GSN: variants seen among roughly 807,000 people sequenced by gnomAD.
GSN encodes the protein actin-depolymerizing factor.
Under a neutral mutation model 85.7 loss-of-function variants are expected in GSN, and 56 were observed. The observed-to-expected ratio is 0.65, with a 90% CI of 0.53 to 0.82. The LOEUF is 0.82. Among genes scored for constraint, GSN ranks in the 40% least tolerant of loss-of-function variants. The probability of loss-of-function intolerance (pLI) is 0.00; values close to 1 mark genes in which losing one functional copy is unlikely to be tolerated. For synonymous variants in GSN, 373 were observed against 399.1 expected (o/e 0.93, Z 0.78); for missense variants, 857 against 979.8 (o/e 0.87, Z 1.67).
rs566976430 is a variant in GSN, at chr9:121,321,477, G to A, written c.1325+76G>A. 2.6e-4 allele frequency: 380 copies of A among 1,461,596 alleles called. 1 individual carries two copies. The African/African-American group carries it at 4.6e-3, about 18-fold the overall frequency. The allele number at this position is 1,461,596 out of a possible 1,614,324, so 90.5% of individuals were successfully genotyped here. On this transcript the variant is annotated intron_variant, in intron 11 of 17. Coordinates refer to ENST00000432226, the MANE Select transcript of GSN (RefSeq NM_198252.3). Reference sequence around the variant, plus strand: ...TGAGCAGGGCTGAAGACAAACTGAGGGTGTGAGGGCCTGAGGTGGGACCAC... The same window carrying A: ...TGAGCAGGGCTGAAGACAAACTGAGAGTGTGAGGGCCTGAGGTGGGACCAC...
Position 121,313,989 on chromosome 9 carries a change from A to T in GSN, c.719A>T (p.Asp240Val). Residue 240 changes from aspartate to valine, a missense_variant, in exon 7 of 18, where the codon GAT (aspartate) becomes GTT (valine). Coordinates refer to ENST00000432226, the MANE Select transcript of GSN (RefSeq NM_198252.3). ...GGTACCGAGGACACCGCCAAGGAGG[A>T]TGCGGCCAACCGCAAGCTGGCCAAG... ...PAGTEDTAKEDAANRKLAKLY... is the reference protein window; with the variant it reads ...PAGTEDTAKEVAANRKLAKLY... 1.2e-6 allele frequency: 2 copies of T among 1,614,180 alleles called. No homozygotes were observed. The highest frequency in any genetic ancestry group is 1.3e-5 in the African/African-American group (1 of 75,060).
At chr9:121,295,438 G>C (rs537065918) in intron 2 of GSN, among the ~76,000 whole-genome samples, 5 of 152,356 alleles carry the variant, frequency 3.3e-5, no homozygotes, top group Admixed American at 1.3e-4. Context: ...GACTCCAAGA[G>C]AGGGCTTTCC....
At chr9:121,265,271 G>A (rs2055173179), upstream of GSN, 1 of 152,190 alleles carries the variant, frequency 6.6e-6, no homozygotes, top group Non-Finnish European at 1.5e-5. Context: ...GAAGCCTCCT[G>A]GGCTGCCCAG....
chr9:121,327,461 G>A lies in GSN; in HGVS notation c.1741G>A (p.Val581Met). 6.3e-7 allele frequency: 1 copy of A among 1,588,154 alleles called. No individual in the cohort carries two copies. Among genetic ancestry groups the A allele is most frequent in the Non-Finnish European group, 8.6e-7 (1 of 1,166,310 alleles). Residue 581 changes from valine to methionine, a missense_variant, in exon 14 of 18, where the codon GTG becomes ATG. Coordinates refer to ENST00000432226, the MANE Select transcript of GSN (RefSeq NM_198252.3). ...GGTGCTGCGGGCCCAACCTGTGCAG[G>A]TGGCAGAAGGCAGCGAGCCAGGTAG... ...LRVLRAQPVQ[V>M]AEGSEPDGFW...
intron 1 of GSN, among the ~76,000 whole-genome samples, chr9:121,271,507 G>A (rs1024635869): frequency 1.3e-5 from 2 of 152,190 alleles, no homozygotes; most frequent in African/African-American, 4.8e-5. Context: ...TGAATAACAT[G>A]CCCCGGGTTG....
At chr9:121,203,059 G>A (rs1564326676), upstream of GSN, 1 of 152,176 alleles carries the variant, frequency 6.6e-6, no homozygotes, top group Non-Finnish European at 1.5e-5. Context: ...CCCGGGAGGC[G>A]GAGCTTGCAG....
intron 2 of GSN, chr9:121,282,784 C>A (rs938944824): frequency 2.0e-5 from 8 of 397,314 alleles, no homozygotes; most frequent in African/African-American, 1.4e-4. Flanking sequence ...CAAGTTGCCT[C>A]AATGTAATCT....
At position 121,317,134 on chromosome 9, in the gene GSN, A is replaced by G; in HGVS notation, c.802A>G (p.Asn268Asp). 1 of 1,614,160 alleles carries G rather than the reference A, an allele frequency of 6.2e-7. No individual in the cohort carries two copies. The highest frequency in any genetic ancestry group is 2.2e-5 in the East Asian group (1 of 44,876). The change falls in exon 8 of 18, where the codon AAC (asparagine) becomes GAC (aspartate). Residue 268 changes from asparagine (N) to aspartate (D), a missense_variant. By Grantham distance (23) the Asn-to-Asp change is conservative (BLOSUM62 1). Transcript: ENST00000432226. ...GTCCGTCTCCCTCGTGGCTGATGAG[A>G]ACCCCTTCGCCCAGGGGGCCCTGAA... is the stretch of plus-strand genomic sequence containing the variant. Reference protein sequence around the residue: ...TMSVSLVADENPFAQGALKSE... With the variant: ...TMSVSLVADEDPFAQGALKSE...
At position 121,318,512 on chromosome 9, in the gene GSN, G is replaced by A. The variant is rs1400449670; in HGVS notation, c.975+18G>A. On this transcript the variant is annotated intron_variant, in intron 9 of 17. Coordinates refer to ENST00000432226, the MANE Select transcript of GSN (RefSeq NM_198252.3). This position sits in a 1 kb window ranked among gnomAD's most constrained non-coding sequence, Gnocchi z 4.3. ...AGACTCAGGTGAGTCTTGGAGGCCAGGTAGGATGGGAAGGGGTGGGTCCTG... is the reference window on the plus strand; with the variant it reads ...AGACTCAGGTGAGTCTTGGAGGCCAAGTAGGATGGGAAGGGGTGGGTCCTG... 7 of 1,594,614 alleles carry A rather than the reference G, an allele frequency of 4.4e-6. No homozygotes were observed. The highest frequency in any genetic ancestry group is 6.0e-6 in the Non-Finnish European group (7 of 1,162,346).
rs1331406592 is a variant in GSN, at chr9:121,299,484, A to G, written c.-9-2479A>G. On this transcript the variant is annotated intron_variant, in intron 2 of 17. Transcript: ENST00000432226. The surrounding 1 kb of genome is among the most constrained non-coding windows in gnomAD (Gnocchi z 4.2). ...CTGATGCCTCGGTGAAAAGCTTTCA[A>G]AAATTGTTAGTTCATGTTATTTTTT... The G allele has an allele frequency of 3.0e-6, 3 of 984,882 alleles. No individual in the cohort carries two copies. Among genetic ancestry groups the G allele is most frequent in the Non-Finnish European group, 3.6e-6 (3 of 829,496 alleles). 61.0% of individuals were successfully genotyped at this position (984,882 alleles called of 1,614,324 possible). A position where few individuals can be genotyped will look rare whatever the true frequency, so the allele number is the denominator to read the frequency against.
intron 5 of GSN, among the ~76,000 whole-genome samples, chr9:121,232,758 G>T (rs976257289): frequency 1.3e-5 from 2 of 152,238 alleles, no homozygotes; most frequent in Non-Finnish European, 2.9e-5. Flanking sequence ...AAAGGCAACA[G>T]TTAGGTCTCA....
intron 1 of GSN, chr9:121,207,921 A>ATTGTGTG (rs1491462318): frequency 1.7e-5 from 1 of 59,266 alleles, no homozygotes; most frequent in Admixed American, 2.1e-4. Context: ...CATCTGGCTA[A>ATTGTGTG]TATGTGTGTG....
chr9:121,240,955 G>T (rs1355533601), intron 5 of GSN, among the ~76,000 whole-genome samples: 8 of 152,194 alleles, frequency 5.3e-5, no homozygotes, highest in Admixed American at 1.3e-4. Flanking sequence ...AGCAGGTTTT[G>T]TTTGGCTTTT....
chr9:121,244,292 A>G (rs1036286283), intron 5 of GSN, among the ~76,000 whole-genome samples: 2 of 152,260 alleles, frequency 1.3e-5, no homozygotes, highest in Non-Finnish European at 2.9e-5. Flanking sequence ...TAAAGCTTCT[A>G]TAAATGTTCA....
intron 4 of GSN, among the ~76,000 whole-genome samples, chr9:121,222,651 C>T (rs57584726): frequency 0.013 from 1,961 of 152,252 alleles, 38 homozygotes; most frequent in African/African-American, 0.045. Flanking sequence ...CTCACAGCAC[C>T]AACGTATGTT....
intron 4 of GSN, among the ~76,000 whole-genome samples, chr9:121,212,420 C>T (rs1020743247): frequency 2.0e-5 from 3 of 152,166 alleles, no homozygotes; most frequent in South Asian, 4.2e-4. Context: ...CCCACTTCAC[C>T]GTAGCCCTCT....
intron 5 of GSN, among the ~76,000 whole-genome samples, chr9:121,242,318 A>G (rs891670823): frequency 6.6e-6 from 1 of 152,222 alleles, no homozygotes; most frequent in Non-Finnish European, 1.5e-5. Flanking sequence ...GGAAACAGAA[A>G]AGATTCCCTT....
chr9:121,221,841 A>G (rs1223556975), intron 4 of GSN, among the ~76,000 whole-genome samples: 1 of 152,208 alleles, frequency 6.6e-6, no homozygotes, highest in African/African-American at 2.4e-5. Context: ...CCTGGCCACT[A>G]AGATGACTTT....
upstream of GSN, among the ~76,000 whole-genome samples, chr9:121,265,500 T>G (rs373268017): frequency 2.6e-4 from 39 of 152,318 alleles, no homozygotes; most frequent in East Asian, 3.5e-3. Context: ...TGCCGTCCAC[T>G]CCTCATGCTG....
Sources: allele counts gnomAD v4.1 joint callset (sites outside exome capture counted in the v4.1 genomes callset), GRCh38; gene constraint gnomAD v4.1.1; non-coding constraint Gnocchi (gnomAD v3.1); transcripts MANE v1.5; gene names NCBI Gene and HGNC (gene_info 2026-07-23, HGNC 2026-07-21).